SHISA6: variants seen among roughly 807,000 people sequenced by gnomAD.
SHISA6 encodes protein shisa-6.
Under a neutral mutation model 47.9 loss-of-function variants are expected in SHISA6, and 22 were observed. The observed-to-expected ratio is 0.46, with a 90% confidence interval of 0.33 to 0.66. The LOEUF is 0.66. Ranked by LOEUF, SHISA6 falls within the 30% of genes least tolerant of loss-of-function variation. SHISA6 has a pLI of 0.02. For synonymous variants in SHISA6, 388 were observed against 337.8 expected (o/e 1.15, Z -1.63); for missense variants, 680 against 764.6 (o/e 0.89, Z 1.30).
chr17:11,469,941 T>G (rs1235223070), intron 3 of SHISA6, among the ~76,000 whole-genome samples: 1 of 152,146 alleles, frequency 6.6e-6, no homozygotes, highest in Non-Finnish European at 1.5e-5. Flanking sequence ...AATGAGGTCA[T>G]AAGAATGAGG....
chr17:11,294,720 G>A (rs570328166), intron 2 of SHISA6, among the ~76,000 whole-genome samples: 1 of 152,084 alleles, frequency 6.6e-6, no homozygotes, highest in South Asian at 2.1e-4. Context: ...ACCAAGGATG[G>A]TACCAAACCT....
intron 3 of SHISA6, among the ~76,000 whole-genome samples, chr17:11,484,974 T>C (rs1214413950): frequency 6.6e-6 from 1 of 152,182 alleles, no homozygotes; most frequent in Non-Finnish European, 1.5e-5. Context: ...GAGCGTGTTA[T>C]TTTACCCTCA....
intron 3 of SHISA6, among the ~76,000 whole-genome samples, chr17:11,403,016 T>C (rs949147898): frequency 3.9e-5 from 6 of 152,164 alleles, no homozygotes; most frequent in Non-Finnish European, 7.4e-5. Flanking sequence ...CTGAAGCACC[T>C]TTGTCATGGA....
intron 3 of SHISA6, among the ~76,000 whole-genome samples, chr17:11,482,699 T>G (rs1417365966): frequency 6.6e-6 from 1 of 152,090 alleles, no homozygotes; most frequent in African/African-American, 2.4e-5. Flanking sequence ...GAAAGCACAA[T>G]GTAAACAAAG....
chr17:11,336,767 C>T (rs908871628), intron 2 of SHISA6, among the ~76,000 whole-genome samples: 3 of 152,174 alleles, frequency 2.0e-5, no homozygotes, highest in African/African-American at 4.8e-5. Flanking sequence ...CTTCTCCAGT[C>T]GCCCAGGGCG....
In SHISA6 at chr17:11,368,306, G is replaced by T. The variant is rs988645161; in HGVS notation, c.800-11108G>T. The stretch of plus-strand genomic sequence containing the variant: ...CCTTTTGGAGGTGAGATGAGCTGAC[G>T]TGTTTTCTCCTACTAATCTTAATTA... On this transcript the variant is annotated intron_variant, in intron 2 of 5. Coordinates refer to ENST00000441885, the MANE Select transcript of SHISA6 (RefSeq NM_207386.4). Among the ~76,000 whole-genome samples the T allele has an allele frequency of 6.8e-5, 7 of 103,468 alleles. No individual in the cohort carries two copies. In the South Asian group the frequency reaches 1.4e-3, roughly 21 times the overall value. 67.9% of individuals were successfully genotyped at this position (103,468 alleles called of 152,430 possible). A position where few individuals can be genotyped will look rare whatever the true frequency, so the allele number is the denominator to read the frequency against.
At chr17:11,372,486 T>G (rs1912658395) in intron 2 of SHISA6, among the ~76,000 whole-genome samples, 1 of 152,218 alleles carries the variant, frequency 6.6e-6, no homozygotes, top group East Asian at 1.9e-4. Flanking sequence ...GAGTTAAGGT[T>G]AATCATATTT....
intron 2 of SHISA6, among the ~76,000 whole-genome samples, chr17:11,316,935 A>G (rs76283744): frequency 0.013 from 2,018 of 152,270 alleles, 33 homozygotes; most frequent in Middle Eastern, 0.058. Flanking sequence ...TTATGTTTAC[A>G]TTAGAAAATA....
intron 3 of SHISA6, among the ~76,000 whole-genome samples, chr17:11,418,848 T>G (rs1914363312): frequency 6.6e-6 from 1 of 152,230 alleles, no homozygotes; most frequent in Non-Finnish European, 1.5e-5. Context: ...GTATGGTCTG[T>G]GGAGATCATT....
chr17:11,443,428 A>C (rs1208115880), intron 3 of SHISA6, among the ~76,000 whole-genome samples: 2 of 152,252 alleles, frequency 1.3e-5, no homozygotes, highest in African/African-American at 4.8e-5. Flanking sequence ...ATAATAAGAT[A>C]AAATGGTTCC....
intron 2 of SHISA6, among the ~76,000 whole-genome samples, chr17:11,315,142 A>T (rs985106320): frequency 3.9e-5 from 6 of 152,172 alleles, no homozygotes; most frequent in African/African-American, 1.4e-4. Context: ...TCCCTTTGGC[A>T]AAATTTTCAG....
chr17:11,396,563 C>A (rs1913578045), intron 3 of SHISA6, among the ~76,000 whole-genome samples: 1 of 152,208 alleles, frequency 6.6e-6, no homozygotes, highest in South Asian at 2.1e-4. Context: ...GGAATCGCCA[C>A]ACTGTCTTCC....
chr17:11,241,668 G>A lies in SHISA6; in HGVS notation c.246G>A (p.Ala82=). Reference sequence around the variant, plus strand: ...GGGGGCAGCCCGCGGCGGCTGTGGCGGCGGCGGCCAGCGCGGCCGTCACCT... The same window carrying A: ...GGGGGCAGCCCGCGGCGGCTGTGGCAGCGGCGGCCAGCGCGGCCGTCACCT... The part of the protein sequence containing the change: ...SRRGQPAAAV[A]AAASAAVTYE... Residue 82 remains alanine (A), a synonymous_variant, in exon 1 of 6, where the codon GCG becomes GCA. Transcript: ENST00000441885. This position sits in a 1 kb window ranked among gnomAD's most constrained non-coding sequence, Gnocchi z 5.5. 6.8e-7 allele frequency: 1 copy of A among 1,461,068 alleles called. No homozygotes were observed. The highest frequency in any genetic ancestry group is 9.0e-7 in the Non-Finnish European group (1 of 1,112,784). The allele number at this position is 1,461,068 out of a possible 1,614,324, so 90.5% of individuals were successfully genotyped here.
intron 3 of SHISA6, among the ~76,000 whole-genome samples, chr17:11,415,642 T>A (rs1285785844): frequency 6.6e-6 from 1 of 152,222 alleles, no homozygotes; most frequent in Non-Finnish European, 1.5e-5. Context: ...ATTAATGAGG[T>A]TGTTCATTCA....
intron 3 of SHISA6, among the ~76,000 whole-genome samples, chr17:11,498,496 A>G (rs148939287): frequency 6.6e-6 from 1 of 152,310 alleles, no homozygotes; most frequent in East Asian, 1.9e-4. Context: ...GTACAGTTCA[A>G]AATAACTGGA....
intron 3 of SHISA6, among the ~76,000 whole-genome samples, chr17:11,524,321 T>C (rs1413524556): frequency 6.6e-6 from 1 of 152,052 alleles, no homozygotes; most frequent in African/African-American, 2.4e-5. Flanking sequence ...TTATTTTTCT[T>C]CTATAGGTTA....
intron 3 of SHISA6, among the ~76,000 whole-genome samples, chr17:11,527,509 C>CT: frequency 6.6e-6 from 1 of 152,110 alleles, no homozygotes; most frequent in South Asian, 2.1e-4. Flanking sequence ...GATAATCATT[C>CT]TTTTTATATT....
At chr17:11,539,526 A>C (rs1432200283) in intron 3 of SHISA6, among the ~76,000 whole-genome samples, 1 of 152,086 alleles carries the variant, frequency 6.6e-6, no homozygotes, top group Admixed American at 6.6e-5. Flanking sequence ...TCAACTGCCC[A>C]CCTCCCTTAG....
chr17:11,388,510 ACTC>A (rs1913265679), intron 3 of SHISA6, among the ~76,000 whole-genome samples: 1 of 151,530 alleles, frequency 6.6e-6, no homozygotes, highest in African/African-American at 2.4e-5. Context: ...ATGTCTGCTC[ACTC>A]CTGATTAATG....
Sources: gnomAD v4.1 joint callset for allele counts (sites outside exome capture counted in the v4.1 genomes callset) on GRCh38, gnomAD v4.1.1 for gene constraint, Gnocchi (gnomAD v3.1) non-coding constraint, MANE v1.5 for transcripts, NCBI Gene and HGNC (gene_info 2026-07-23, HGNC 2026-07-21) for gene names.